The following YTHDC1 variants were observed in gnomAD, a reference collection of about 807,000 sequenced individuals.
The protein encoded by YTHDC1 is YTH domain-containing protein 1.
A neutral mutation model predicts 107.0 loss-of-function variants in YTHDC1; 12 were observed. That is an observed-to-expected ratio of 0.11 (90% CI 0.07 to 0.18). The LOEUF (loss-of-function observed/expected upper bound fraction) is 0.18. Ranked by LOEUF, YTHDC1 falls within the 10% of genes least tolerant of loss-of-function variation. The pLI is 1.00. For synonymous variants in YTHDC1, 280 were observed against 289.5 expected (o/e 0.97, Z 0.33); for missense variants, 635 against 898.8 (o/e 0.71, Z 3.75).
At position 68,330,379 on chromosome 4, in the gene YTHDC1, G is replaced by GA. The variant is rs1024666171; in HGVS notation, c.1123-70dup. Reference sequence around the variant, plus strand: ...CTCTTTTGTGTTTCCAGTTATGTTTGAAAAAAAACTACATATTTTGGTGTG... The same window carrying GA: ...CTCTTTTGTGTTTCCAGTTATGTTTGAAAAAAAAACTACATATTTTGGTGTG... On this transcript the variant is annotated intron_variant, in intron 7 of 16. Coordinates refer to ENST00000344157, the MANE Select transcript of YTHDC1 (RefSeq NM_001031732.4). 1.5e-4 allele frequency: 155 copies of GA among 1,057,514 alleles called. No homozygotes were observed. In the East Asian group the frequency reaches 1.5e-3, roughly 10 times the overall value. The allele number at this position is 1,057,514 out of a possible 1,614,324, so 65.5% of individuals were successfully genotyped here.
In YTHDC1 at chr4:68,310,890, G is replaced by A. The variant is rs960535251; in HGVS notation, c.*3209C>T. 6.6e-6 allele frequency: 1 copy of A among 152,128 alleles called. No individual in the cohort carries two copies. The highest frequency in any genetic ancestry group is 2.4e-5 in the African/African-American group (1 of 41,408). The allele number at this position is 152,128 out of a possible 1,614,324, so 9.4% of individuals were successfully genotyped here. ...CTCAGAAAGACCACGACATTCTACA[G>A]CAGAATGTAGATATATCCAAGGGCA... On this transcript the variant is annotated 3_prime_UTR_variant, in exon 17 of 17. Transcript: ENST00000344157.
chr4:68,314,350 TA>T lies in YTHDC1; in HGVS notation c.1960-28del. Reference sequence around the variant, plus strand: ...TAGAAAAGGAAAGAAATGTGTTAGGTATGTCAAAAAGGCAAATAGTGTTAAG... The same window carrying T: ...TAGAAAAGGAAAGAAATGTGTTAGGTTGTCAAAAAGGCAAATAGTGTTAAG... On this transcript the variant is annotated intron_variant, in intron 16 of 16. Coordinates refer to ENST00000344157, the MANE Select transcript of YTHDC1 (RefSeq NM_001031732.4). 3 of 1,611,130 alleles carry T rather than the reference TA, an allele frequency of 1.9e-6. No individual in the cohort carries two copies. In the South Asian group the frequency reaches 3.3e-5, roughly 18 times the overall value.
intron 15 of YTHDC1, among the ~76,000 whole-genome samples, chr4:68,317,336 T>G (rs1721977026): frequency 6.6e-6 from 1 of 152,190 alleles, no homozygotes; most frequent in Admixed American, 6.5e-5. Flanking sequence ...ATTATTAAAT[T>G]TTTAAAATTT....
At chr4:68,332,996 C>T (rs1308023641) in intron 5 of YTHDC1, 149 bp from the exon 6 acceptor site, 7 of 674,426 alleles carry the variant, frequency 1.0e-5, no homozygotes, top group South Asian at 2.1e-5. Context: ...TCAATGTGTA[C>T]GAGTGTTTTG....
Position 68,318,029 on chromosome 4 carries a change from C to G in YTHDC1, c.1824+490G>C, listed in dbSNP as rs150472873. On this transcript the variant is annotated intron_variant, in intron 15 of 16. Coordinates refer to ENST00000344157, the MANE Select transcript of YTHDC1 (RefSeq NM_001031732.4). ...CACTATTACAGTTCTCAAGCCTGTA[C>G]TATTAACACAAATGAGCTTTTAGTC... Among the ~76,000 whole-genome samples, 75 of 152,292 alleles carry G rather than the reference C, an allele frequency of 4.9e-4. No individual in the cohort carries two copies. The Middle Eastern group carries it at 0.014, about 28-fold the overall frequency.
chr4:68,327,781 AAG>A (rs1035808352), intron 9 of YTHDC1, among the ~76,000 whole-genome samples: 8 of 152,262 alleles, frequency 5.3e-5, no homozygotes, highest in African/African-American at 1.9e-4. Context: ...ATTTAAACTC[AAG>A]AGAGTTCAAG....
rs758343335 is a variant in YTHDC1, at chr4:68,318,525, T to C, written c.1818A>G (p.Gln606=). ...AAAATAGAATAATACAAACCATTCCTTGCCAAGGTGGTGGTGGTCCCATGT... is the reference window on the plus strand; with the variant it reads ...AAAATAGAATAATACAAACCATTCCCTGCCAAGGTGGTGGTGGTCCCATGT... ...FHNMGPPPPW[Q]GMPPYPGMEQ... The change falls in exon 15 of 17, where the codon CAA becomes CAG. Residue 606 remains glutamine, a synonymous_variant. Transcript: ENST00000344157. 1.2e-6 allele frequency: 2 copies of C among 1,611,070 alleles called. No homozygotes were observed. Among genetic ancestry groups the C allele is most frequent in the South Asian group, 1.1e-5 (1 of 90,442 alleles).
chr4:68,348,095 C>G (rs977164165), intron 1 of YTHDC1, among the ~76,000 whole-genome samples: 27 of 152,322 alleles, frequency 1.8e-4, no homozygotes, highest in African/African-American at 6.5e-4. Flanking sequence ...CCAGTAATAG[C>G]TACACAGTTT....
intron 15 of YTHDC1, among the ~76,000 whole-genome samples, chr4:68,316,794 A>T (rs75018640): frequency 0.043 from 6,602 of 152,280 alleles, 445 homozygotes; most frequent in African/African-American, 0.15. Context: ...CCCAGTTTAC[A>T]AAAGGGAAAA....
At chr4:68,347,735 C>A (rs552196887) in intron 1 of YTHDC1, among the ~76,000 whole-genome samples, 7 of 152,072 alleles carry the variant, frequency 4.6e-5, no homozygotes, top group African/African-American at 1.4e-4. Context: ...TCATGTAAGA[C>A]AATAAAGCGC....
At chr4:68,319,421 TA>T (rs1259087444) in intron 12 of YTHDC1, among the ~76,000 whole-genome samples, 2 of 152,210 alleles carry the variant, frequency 1.3e-5, no homozygotes, top group Non-Finnish European at 2.9e-5. Flanking sequence ...AATTAAAATG[TA>T]AAAACATTTG....
intron 4 of YTHDC1, among the ~76,000 whole-genome samples, chr4:68,335,487 T>C (rs1240709203): frequency 1.3e-5 from 2 of 152,124 alleles, no homozygotes; most frequent in Admixed American, 1.3e-4. Context: ...AAAAACAAAG[T>C]GTGTCAATCA....
chr4:68,332,668 T>G (rs1723725442), intron 6 of YTHDC1, 126 bp downstream of exon 6: 1 of 763,908 alleles, frequency 1.3e-6, no homozygotes, highest in African/African-American at 1.8e-5. Flanking sequence ...GTTAAGATAT[T>G]ATTTTTTGCT....
At chr4:68,344,135 GGTTTGTATCTGGTGAATGA>G (rs1419006911) in intron 1 of YTHDC1, 2 of 151,630 alleles carry the variant, frequency 1.3e-5, no homozygotes, top group Non-Finnish European at 1.5e-5. Context: ...AGACAATCTG[GGTTTGTATCTGGTGAATGA>G]GTTTGTATCT....
intron 7 of YTHDC1, 107 bp from the exon 8 acceptor site, chr4:68,330,417 G>A (rs1723442783): frequency 6.1e-6 from 4 of 659,626 alleles, no homozygotes; most frequent in Non-Finnish European, 9.5e-6. Context: ...TTCAATTTAA[G>A]TAAGCTATAA....
chr4:68,318,916 CATTATA>C, intron 12 of YTHDC1, 54 bp from the exon 13 acceptor site: 1 of 1,579,422 alleles, frequency 6.3e-7, no homozygotes, highest in Non-Finnish European at 8.7e-7. Flanking sequence ...TCTTTTATGG[CATTATA>C]ATTAAACCTT....
intron 3 of YTHDC1, 40 bp downstream of exon 3, chr4:68,337,532 G>C: frequency 1.3e-6 from 2 of 1,584,018 alleles, no homozygotes; most frequent in Non-Finnish European, 1.7e-6. Flanking sequence ...GCCTCAAAAA[G>C]AATGGCTTTC....
intron 9 of YTHDC1, among the ~76,000 whole-genome samples, chr4:68,325,565 T>C (rs1270988314): frequency 6.6e-6 from 1 of 152,176 alleles, no homozygotes; most frequent in Non-Finnish European, 1.5e-5. Flanking sequence ...TAAATTTAAT[T>C]TTTTAGAGAT....
chr4:68,342,073 G>T (rs1226772800), intron 1 of YTHDC1, among the ~76,000 whole-genome samples: 3 of 152,138 alleles, frequency 2.0e-5, no homozygotes, highest in African/African-American at 7.2e-5. Context: ...CAACAAAACA[G>T]GTATGGTATA....
Sources: gnomAD v4.1 joint callset for allele counts (sites outside exome capture counted in the v4.1 genomes callset) on GRCh38, gnomAD v4.1.1 for gene constraint, MANE v1.5 for transcripts, NCBI Gene and HGNC (gene_info 2026-07-23, HGNC 2026-07-21) for gene names.